The following EXOC4 variants were observed in gnomAD, a reference collection of about 807,000 sequenced individuals.
EXOC4 encodes the protein exocyst complex component 4.
In EXOC4, 71 loss-of-function variants were observed where a neutral mutation model predicts 107.2. The observed-to-expected ratio is 0.66, with a 90% CI of 0.55 to 0.81. The LOEUF is 0.81. EXOC4 is among the 30% of genes least tolerant of loss of function. The pLI is 0.00. For synonymous variants in EXOC4, 456 were observed against 441.2 expected (o/e 1.03, Z -0.42); for missense variants, 1,108 against 1,189.6 (o/e 0.93, Z 1.01).
chr7:134,056,857 T>C (rs1795937941), intron 17 of EXOC4, among the ~76,000 whole-genome samples: 1 of 151,620 alleles, frequency 6.6e-6, no homozygotes, highest in Non-Finnish European at 1.5e-5. Context: ...AGCCAAGGAG[T>C]GTGTCATCAT....
chr7:133,726,556 C>T (rs1795219225), intron 10 of EXOC4, among the ~76,000 whole-genome samples: 1 of 152,220 alleles, frequency 6.6e-6, no homozygotes, highest in South Asian at 2.1e-4. Flanking sequence ...TGCAACACCT[C>T]TTCATAGGCC....
intron 5 of EXOC4, among the ~76,000 whole-genome samples, chr7:133,323,504 G>A (rs570950252): frequency 6.6e-6 from 1 of 152,210 alleles, no homozygotes; most frequent in South Asian, 2.1e-4. Context: ...TTTATATGCT[G>A]GATTATGTTT....
intron 6 of EXOC4, among the ~76,000 whole-genome samples, chr7:133,358,171 G>T (rs1391253570): frequency 6.6e-6 from 1 of 152,088 alleles, no homozygotes; most frequent in Admixed American, 6.6e-5. Context: ...GGTTGACAGA[G>T]TGAAACTTCA....
At chr7:133,591,572 G>A (rs867150295) in intron 9 of EXOC4, among the ~76,000 whole-genome samples, 3,037 of 150,312 alleles carry the variant, frequency 0.02, 98 homozygotes, top group African/African-American at 0.071. Context: ...GTGTGTGCGT[G>A]TGTGTGTGTG....
chr7:133,741,218 ATC>A (rs1795556765), intron 10 of EXOC4, among the ~76,000 whole-genome samples: 1 of 152,004 alleles, frequency 6.6e-6, no homozygotes, highest in South Asian at 2.1e-4. Flanking sequence ...AGGTATCTTC[ATC>A]TCTCTTCCCG....
chr7:133,753,618 A>G (rs1041179513), intron 10 of EXOC4, among the ~76,000 whole-genome samples: 6 of 152,242 alleles, frequency 3.9e-5, no homozygotes, highest in African/African-American at 1.4e-4. Context: ...AAGGCTGACA[A>G]GAATTTCTCC....
intron 2 of EXOC4, among the ~76,000 whole-genome samples, chr7:133,284,570 C>T (rs549905073): frequency 2.6e-5 from 4 of 152,160 alleles, no homozygotes; most frequent in East Asian, 1.9e-4. Context: ...GTCGCTCTGT[C>T]GCCCAGGCTG....
At chr7:133,767,091 G>A (rs543539320) in intron 10 of EXOC4, among the ~76,000 whole-genome samples, 1 of 151,942 alleles carries the variant, frequency 6.6e-6, no homozygotes, top group Admixed American at 6.6e-5. Flanking sequence ...TCTTTTCAGA[G>A]AGTTTGACTC....
At chr7:133,948,034 AGAGCCT>A (rs1800596186) in intron 14 of EXOC4, among the ~76,000 whole-genome samples, 1 of 152,222 alleles carries the variant, frequency 6.6e-6, no homozygotes, top group African/African-American at 2.4e-5. Context: ...CAGAATCACC[AGAGCCT>A]GAGCCGACAC....
At chr7:133,728,551 G>C (rs1334552617) in intron 10 of EXOC4, among the ~76,000 whole-genome samples, 1 of 152,110 alleles carries the variant, frequency 6.6e-6, no homozygotes, top group Non-Finnish European at 1.5e-5. Context: ...GGTTGTATTT[G>C]CTGGTAATTT....
rs577534779 is a variant in EXOC4 at position 133,778,959 on chromosome 7, T to G, written c.1515-38366T>G. ...CATTCCTTTAATAGATACGATATGATTTGGCCTTCTCTGTATCTTCAAATA... is the reference window on the plus strand; with the variant it reads ...CATTCCTTTAATAGATACGATATGAGTTGGCCTTCTCTGTATCTTCAAATA... On this transcript the variant is annotated intron_variant, in intron 10 of 17. Transcript: ENST00000253861. 2.6e-5 allele frequency among the ~76,000 whole-genome samples: 4 copies of G among 152,332 alleles called. No individual in the cohort carries two copies. The East Asian group carries it at 7.7e-4, about 29-fold the overall frequency.
chr7:133,744,592 G>C (rs767312950), intron 10 of EXOC4, among the ~76,000 whole-genome samples: 34 of 152,182 alleles, frequency 2.2e-4, no homozygotes, highest in Non-Finnish European at 3.7e-4. Flanking sequence ...GAAAAGTTAA[G>C]ATGAGGAAGC....
chr7:133,443,269 G>T (rs1183593003), intron 7 of EXOC4, among the ~76,000 whole-genome samples: 2 of 152,178 alleles, frequency 1.3e-5, no homozygotes, highest in East Asian at 3.9e-4. Flanking sequence ...CAAGGCTGGG[G>T]TTGGGTTCCG....
intron 9 of EXOC4, among the ~76,000 whole-genome samples, chr7:133,599,202 A>G (rs1316272891): frequency 6.6e-6 from 1 of 152,180 alleles, no homozygotes; most frequent in Non-Finnish European, 1.5e-5. Flanking sequence ...AGAATTACAT[A>G]TGTGACCCAC....
chr7:133,920,754 C>T (rs1433154525), intron 13 of EXOC4, among the ~76,000 whole-genome samples: 2 of 152,200 alleles, frequency 1.3e-5, no homozygotes, highest in Admixed American at 6.5e-5. Flanking sequence ...TAATGCTCTT[C>T]CTTTCTCAAT....
At chr7:133,914,852 C>T (rs1409323015) in intron 12 of EXOC4, among the ~76,000 whole-genome samples, 1 of 152,078 alleles carries the variant, frequency 6.6e-6, no homozygotes, top group Non-Finnish European at 1.5e-5. Flanking sequence ...AAGGCAAATG[C>T]AACAAACAGG....
At chr7:133,705,139 G>A (rs1354743594) in intron 10 of EXOC4, among the ~76,000 whole-genome samples, 2 of 152,134 alleles carry the variant, frequency 1.3e-5, no homozygotes, top group East Asian at 3.9e-4. Context: ...TGAGGCCAGT[G>A]GATCACTTGA....
chr7:133,612,489 A>G (rs1802094774), intron 9 of EXOC4, among the ~76,000 whole-genome samples: 1 of 152,102 alleles, frequency 6.6e-6, no homozygotes, highest in Admixed American at 6.6e-5. Flanking sequence ...AGCAGAGGGA[A>G]CAAGATGAAC....
chr7:133,318,548 T>G lies in EXOC4; in HGVS notation c.763+1158T>G, dbSNP rs115120964. On this transcript the variant is annotated intron_variant, in intron 5 of 17. Coordinates refer to ENST00000253861, the MANE Select transcript of EXOC4 (RefSeq NM_021807.4). ...TGTTTATTATCATTGTCTTTTCAGA[T>G]AAAAATTAGTTCTTATAGTTCTTAT... Among the ~76,000 whole-genome samples the G allele has an allele frequency of 2.9e-3, 437 of 152,320 alleles. 2 individuals are homozygous for G. Among genetic ancestry groups the G allele is most frequent in the African/African-American group, 0.01 (426 of 41,570 alleles).
Sources: allele counts gnomAD v4.1 joint callset (sites outside exome capture counted in the v4.1 genomes callset), GRCh38; gene constraint gnomAD v4.1.1; transcripts MANE v1.5; gene names NCBI Gene and HGNC (gene_info 2026-07-23, HGNC 2026-07-21).